Variants in GPC5 observed in about 807,000 individuals in gnomAD.
GPC5 encodes the protein glypican-5.
Under a neutral mutation model 53.9 loss-of-function variants are expected in GPC5, and 47 were observed. The observed-to-expected ratio is 0.87, with a 90% CI of 0.69 to 1.11. The LOEUF (loss-of-function observed/expected upper bound fraction) is 1.11, where lower values mean the gene tolerates loss of function less well. GPC5 is among the 50% of genes most tolerant of loss of function. The probability of loss-of-function intolerance (pLI) is 0.00; values close to 1 mark genes in which losing one functional copy is unlikely to be tolerated. For missense variants in GPC5, 748 were observed against 713.1 expected (o/e 1.05, Z -0.56); for synonymous variants, 286 against 263.3 (o/e 1.09, Z -0.84).
At chr13:92,665,044 T>C (rs1379608478) in intron 7 of GPC5, among the ~76,000 whole-genome samples, 1 of 152,140 alleles carries the variant, frequency 6.6e-6, no homozygotes, top group African/African-American at 2.4e-5. Context: ...GTTTGTAGAG[T>C]ATAATTTCAT....
At chr13:91,871,319 C>A (rs575191073) in intron 5 of GPC5, among the ~76,000 whole-genome samples, 2 of 151,928 alleles carry the variant, frequency 1.3e-5, no homozygotes, top group Non-Finnish European at 2.9e-5. Flanking sequence ...AACCTATGAA[C>A]TCAAAGAAGG....
At chr13:91,887,747 A>G (rs1023805728) in intron 5 of GPC5, among the ~76,000 whole-genome samples, 19 of 152,118 alleles carry the variant, frequency 1.2e-4, no homozygotes, top group African/African-American at 4.6e-4. Context: ...CAAGCTCCTC[A>G]TCTCCATCTC....
chr13:91,808,455 A>G lies in GPC5; in HGVS notation c.1280+52035A>G, dbSNP rs113815010. ...CTGAACACGTGGACTCTAATTAGTT[A>G]TTTTACAATTTCCTGGAGTATGCTC... On this transcript the variant is annotated intron_variant, in intron 5 of 7. Transcript: ENST00000377067. 9.4e-3 allele frequency among the ~76,000 whole-genome samples: 1,425 copies of G among 152,150 alleles called. 19 individuals carry two copies. Among genetic ancestry groups the G allele is most frequent in the African/African-American group, 0.033 (1,363 of 41,518 alleles).
chr13:92,030,364 T>C (rs1482611797), intron 6 of GPC5, among the ~76,000 whole-genome samples: 1 of 152,158 alleles, frequency 6.6e-6, no homozygotes, highest in Non-Finnish European at 1.5e-5. Context: ...CCTTTCCTCT[T>C]CTTTCTGTTG....
chr13:91,654,075 T>A (rs2034786831), intron 2 of GPC5, among the ~76,000 whole-genome samples: 1 of 152,180 alleles, frequency 6.6e-6, no homozygotes. Flanking sequence ...TACCAGCTAC[T>A]GAGATTTTAG....
intron 6 of GPC5, among the ~76,000 whole-genome samples, chr13:91,987,463 A>G (rs1176710922): frequency 6.6e-6 from 1 of 152,150 alleles, no homozygotes; most frequent in African/African-American, 2.4e-5. Flanking sequence ...TTTCTTTAAG[A>G]AAGATTTGAA....
At chr13:91,788,125 A>G (rs2138739410) in intron 5 of GPC5, among the ~76,000 whole-genome samples, 1 of 152,364 alleles carries the variant, frequency 6.6e-6, no homozygotes, top group South Asian at 2.1e-4. Context: ...TTAAAACAAC[A>G]AATATTTATT....
rs117267252 is a variant in GPC5, at chr13:92,544,561, C to A, written c.1562-321721C>A. Among the ~76,000 whole-genome samples the A allele has an allele frequency of 3.7e-4, 56 of 152,208 alleles. No individual in the cohort carries two copies. The East Asian group carries it at 0.01, about 28-fold the overall frequency. The stretch of plus-strand genomic sequence containing the variant: ...TTTCTCAGCTCTTACTGTCTTATAA[C>A]CCTAGTGGCTTTTGATTGTTTGTTT... On this transcript the variant is annotated intron_variant, in intron 7 of 7. Coordinates refer to ENST00000377067, the MANE Select transcript of GPC5 (RefSeq NM_004466.6).
intron 7 of GPC5, among the ~76,000 whole-genome samples, chr13:92,755,127 A>G (rs1210047251): frequency 6.8e-6 from 1 of 147,022 alleles, no homozygotes; most frequent in Non-Finnish European, 1.5e-5. Flanking sequence ...ATAACAAACT[A>G]TCTCTCAGAC....
chr13:92,577,117 T>G (rs933425329), intron 7 of GPC5, among the ~76,000 whole-genome samples: 7 of 152,190 alleles, frequency 4.6e-5, no homozygotes, highest in African/African-American at 1.7e-4. Flanking sequence ...TAGTCATAAG[T>G]CATTGGGAAA....
intron 5 of GPC5, among the ~76,000 whole-genome samples, chr13:91,888,515 G>T (rs533243810): frequency 2.0e-5 from 3 of 152,162 alleles, no homozygotes; most frequent in African/African-American, 7.2e-5. Flanking sequence ...AGTTGTGAGC[G>T]AGTATTTATT....
At chr13:92,820,210 T>G (rs187355275) in intron 7 of GPC5, among the ~76,000 whole-genome samples, 4 of 152,200 alleles carry the variant, frequency 2.6e-5, no homozygotes, top group Admixed American at 2.0e-4. Context: ...CCCAGCCTGC[T>G]CTTTCTCTCT....
At chr13:91,739,287 C>T (rs2036878772) in intron 4 of GPC5, among the ~76,000 whole-genome samples, 1 of 151,154 alleles carries the variant, frequency 6.6e-6, no homozygotes, top group African/African-American at 2.5e-5. Context: ...TTCACCTGGC[C>T]CTTTTACCTG....
At chr13:92,253,948 A>G (rs573701798) in intron 7 of GPC5, among the ~76,000 whole-genome samples, 2 of 152,236 alleles carry the variant, frequency 1.3e-5, no homozygotes, top group South Asian at 2.1e-4. Flanking sequence ...GGGAACCACA[A>G]CGGGTTCTAT....
chr13:92,821,649 A>G (rs946386472), intron 7 of GPC5, among the ~76,000 whole-genome samples: 1 of 152,156 alleles, frequency 6.6e-6, no homozygotes, highest in Non-Finnish European at 1.5e-5. Flanking sequence ...TATTTTTAAA[A>G]ATACACTTGT....
intron 6 of GPC5, among the ~76,000 whole-genome samples, chr13:92,046,160 G>C (rs1183712328): frequency 6.6e-6 from 1 of 151,744 alleles, no homozygotes; most frequent in Non-Finnish European, 1.5e-5. Flanking sequence ...AAATAAGATT[G>C]ATCTTTTATG....
Position 92,361,222 on chromosome 13 carries a change from G to C in GPC5, c.1561+216233G>C, listed in dbSNP as rs1364685496. ...ACAATGGATGCTAAAGAAAACCTTTGGTCACATGAAGTCTACATGCCACAG... is the reference window on the plus strand; with the variant it reads ...ACAATGGATGCTAAAGAAAACCTTTCGTCACATGAAGTCTACATGCCACAG... On this transcript the variant is annotated intron_variant, in intron 7 of 7. Transcript: ENST00000377067. Among the ~76,000 whole-genome samples the C allele has an allele frequency of 2.6e-5, 4 of 151,660 alleles. 1 individual carries two copies. The highest frequency in any genetic ancestry group is 9.8e-5 in the African/African-American group (4 of 40,970).
chr13:91,669,294 A>G (rs761679509), intron 2 of GPC5, among the ~76,000 whole-genome samples: 8 of 152,246 alleles, frequency 5.3e-5, no homozygotes, highest in Admixed American at 2.6e-4. Flanking sequence ...TCAGAGAACA[A>G]TGGTACAATT....
At chr13:92,203,152 A>G (rs2042306889) in intron 7 of GPC5, among the ~76,000 whole-genome samples, 1 of 152,156 alleles carries the variant, frequency 6.6e-6, no homozygotes, top group South Asian at 2.1e-4. Context: ...ATTTACTTTA[A>G]AACCAAATCA....
Sources: allele counts gnomAD v4.1 joint callset (sites outside exome capture counted in the v4.1 genomes callset), GRCh38; gene constraint gnomAD v4.1.1; transcripts MANE v1.5; gene names NCBI Gene and HGNC (gene_info 2026-07-23, HGNC 2026-07-21).